Variants in RALY observed in about 807,000 individuals in gnomAD.
RALY encodes the protein RALY heterogeneous nuclear ribonucleoprotein, also known as RNA-binding protein Raly.
RALY carries 15 observed loss-of-function variants against 30.7 expected under a neutral mutation model. The observed-to-expected ratio is 0.49, with a 90% confidence interval of 0.33 to 0.75. RALY has a LOEUF of 0.75. RALY is among the 30% of genes least tolerant of loss of function. The probability of loss-of-function intolerance (pLI) is 0.02; values close to 1 mark genes in which losing one functional copy is unlikely to be tolerated. For synonymous variants in RALY, 177 were observed against 170.8 expected, an observed-to-expected ratio of 1.04 and a Z score of -0.28; for missense variants, 339 against 414.3, an observed-to-expected ratio of 0.82 and a Z score of 1.58.
At chr20:34,028,034 G>A (rs1372745798) in intron 1 of RALY, among the ~76,000 whole-genome samples, 1 of 152,212 alleles carries the variant, frequency 6.6e-6, no homozygotes, top group Admixed American at 6.5e-5. Context: ...GCTCACACCT[G>A]TGATCCCAGC....
At chr20:34,034,746 C>A (rs1284987863) in intron 2 of RALY, among the ~76,000 whole-genome samples, 1 of 151,938 alleles carries the variant, frequency 6.6e-6, no homozygotes, top group East Asian at 1.9e-4. Flanking sequence ...TTCTAAAACC[C>A]CATAAGATTA....
intron 2 of RALY, among the ~76,000 whole-genome samples, chr20:34,060,654 C>T (rs1265056591): frequency 6.6e-6 from 1 of 152,198 alleles, no homozygotes; most frequent in Non-Finnish European, 1.5e-5. Context: ...TTTCAGGTAT[C>T]TCCTGACGAC....
At chr20:34,011,719 G>C (rs1428235532) in intron 1 of RALY, among the ~76,000 whole-genome samples, 2 of 152,202 alleles carry the variant, frequency 1.3e-5, no homozygotes, top group African/African-American at 4.8e-5. Context: ...TTGTTTTGCA[G>C]ATGAAACTAA....
chr20:34,075,594 C>T (rs920881036), intron 5 of RALY, among the ~76,000 whole-genome samples: 3 of 152,058 alleles, frequency 2.0e-5, no homozygotes, highest in South Asian at 2.1e-4. Flanking sequence ...AGGGATGTCT[C>T]CTCTTTTGAA....
At chr20:34,044,759 C>T (rs566542027) in intron 2 of RALY, among the ~76,000 whole-genome samples, 10 of 152,242 alleles carry the variant, frequency 6.6e-5, no homozygotes, top group East Asian at 3.9e-4. Context: ...TCCACAAGCC[C>T]GTAAGTTAGT....
intron 2 of RALY, among the ~76,000 whole-genome samples, chr20:34,049,484 G>A (rs1253383843): frequency 2.0e-5 from 3 of 152,130 alleles, no homozygotes; most frequent in Non-Finnish European, 4.4e-5. Context: ...TGTAGTAAAG[G>A]AACAGTTACC....
At position 34,018,709 on chromosome 20, in the gene RALY, T is replaced by A. The variant is rs1298686299; in HGVS notation, c.-92-12813T>A. Among the ~76,000 whole-genome samples the A allele has an allele frequency of 8.5e-5, 13 of 152,298 alleles. No individual in the cohort carries two copies. The East Asian group carries it at 2.5e-3, about 29-fold the overall frequency. Reference sequence around the variant, plus strand: ...TTTGTTTTTTCCATTAGCAATTTAGTCTTCCACCCCACAAATGCCCCAAGG... The same window carrying A: ...TTTGTTTTTTCCATTAGCAATTTAGACTTCCACCCCACAAATGCCCCAAGG... On this transcript the variant is annotated intron_variant, in intron 1 of 9. Transcript: ENST00000246194.
At chr20:34,069,419 G>T (rs983920605) in intron 2 of RALY, among the ~76,000 whole-genome samples, 1 of 151,950 alleles carries the variant, frequency 6.6e-6, no homozygotes, top group South Asian at 2.1e-4. Context: ...TTCCTGCTCA[G>T]TGGTGCTTGT....
chr20:34,001,356 A>G (rs2030907536), intron 1 of RALY, among the ~76,000 whole-genome samples: 1 of 152,236 alleles, frequency 6.6e-6, no homozygotes, highest in Admixed American at 6.5e-5. Flanking sequence ...TAGCTTATGG[A>G]GTAGATGCCT....
intron 2 of RALY, among the ~76,000 whole-genome samples, chr20:34,051,682 G>A (rs979399359): frequency 1.3e-5 from 2 of 151,980 alleles, no homozygotes; most frequent in Non-Finnish European, 2.9e-5. Flanking sequence ...TGCAAGCTCC[G>A]CCCCCTGGGT....
At position 34,083,230 on chromosome 20, in the gene RALY, TATCTC is replaced by T. The variant is rs760282505; in HGVS notation, c.*3330_*3334del. ...GGGCTGTGTTCAGTGTGGTGGTTCT[TATCTC>T]ATCTGGGCCCTCGTGTGGCTGAAGT... is the stretch of plus-strand genomic sequence containing the variant. On this transcript the variant is annotated 3_prime_UTR_variant, in exon 10 of 10. Coordinates refer to ENST00000246194, the MANE Select transcript of RALY (RefSeq NM_016732.3). The T allele has an allele frequency of 1.3e-5, 2 of 152,258 alleles. No individual in the cohort carries two copies. The highest frequency in any genetic ancestry group is 2.9e-5 in the Non-Finnish European group (2 of 68,076). The allele number at this position is 152,258 out of a possible 1,614,324, so 9.4% of individuals were successfully genotyped here.
Position 34,080,295 on chromosome 20 carries a change from A to G in RALY, c.*390A>G, listed in dbSNP as rs1370624602. ...GAGATGGGATGGTTTGTGTTTTCTC[A>G]TGAAGATATCCCGGCCCCTCTGCCA... is the stretch of plus-strand genomic sequence containing the variant. On this transcript the variant is annotated 3_prime_UTR_variant, in exon 10 of 10. Transcript: ENST00000246194. 1 of 152,310 alleles carries G rather than the reference A, an allele frequency of 6.6e-6. No homozygotes were observed. The highest frequency in any genetic ancestry group is 2.4e-5 in the African/African-American group (1 of 41,444). The allele number at this position is 152,310 out of a possible 1,614,324, so 9.4% of individuals were successfully genotyped here.
intron 2 of RALY, among the ~76,000 whole-genome samples, chr20:34,054,186 C>T (rs2123186367): frequency 6.6e-6 from 1 of 152,318 alleles, no homozygotes; most frequent in Admixed American, 6.5e-5. Context: ...CTTGGGAAAC[C>T]ATTTACTGAA....
chr20:34,005,719 T>C (rs908294511), intron 1 of RALY, among the ~76,000 whole-genome samples: 1 of 152,258 alleles, frequency 6.6e-6, no homozygotes, highest in African/African-American at 2.4e-5. Context: ...TAGGTTGTAT[T>C]GATCGTGATC....
chr20:34,009,570 C>T (rs983701515), intron 1 of RALY, among the ~76,000 whole-genome samples: 11 of 152,160 alleles, frequency 7.2e-5, no homozygotes, highest in African/African-American at 2.7e-4. Context: ...ACTCCTTGTA[C>T]ACTGGCTAGT....
intron 1 of RALY, among the ~76,000 whole-genome samples, chr20:34,003,414 T>C (rs541419820): frequency 6.6e-6 from 1 of 152,150 alleles, no homozygotes; most frequent in African/African-American, 2.4e-5. Context: ...GAATTTTCCT[T>C]AAGAGGGGAG....
intron 1 of RALY, among the ~76,000 whole-genome samples, chr20:34,008,561 C>T (rs541514553): frequency 6.6e-6 from 1 of 152,218 alleles, no homozygotes; most frequent in Non-Finnish European, 1.5e-5. Context: ...TGTTCCAGAT[C>T]TGTTCAGTCT....
At chr20:34,056,257 T>C (rs973799496) in intron 2 of RALY, among the ~76,000 whole-genome samples, 1 of 152,230 alleles carries the variant, frequency 6.6e-6, no homozygotes, top group African/African-American at 2.4e-5. Context: ...CTATTTCCTC[T>C]TAAATGTACT....
intron 1 of RALY, among the ~76,000 whole-genome samples, chr20:34,020,114 A>C (rs185032389): frequency 6.6e-6 from 1 of 152,322 alleles, no homozygotes; most frequent in East Asian, 1.9e-4. Context: ...AAAATAGTGT[A>C]TAGACATATG....
Sources: gnomAD v4.1 joint callset for allele counts (sites outside exome capture counted in the v4.1 genomes callset) on GRCh38, gnomAD v4.1.1 for gene constraint, MANE v1.5 for transcripts, NCBI Gene and HGNC (gene_info 2026-07-23, HGNC 2026-07-21) for gene names.